Variants in PRICKLE1 observed in about 807,000 individuals in gnomAD.
PRICKLE1 encodes the protein prickle planar cell polarity protein 1, also known as prickle-like protein 1.
PRICKLE1 carries 14 observed loss-of-function variants against 70.2 expected under a neutral mutation model. That is an observed-to-expected ratio of 0.20 (90% CI 0.13 to 0.31). PRICKLE1 has a LOEUF of 0.31. Among genes scored for constraint, PRICKLE1 ranks in the 10% least tolerant of loss-of-function variants. The pLI is 1.00. For missense variants in PRICKLE1, 821 were observed against 1,026.2 expected (o/e 0.80, Z 2.73); for synonymous variants, 357 against 379.9 (o/e 0.94, Z 0.70).
Position 42,460,275 on chromosome 12 carries a change from C to T in PRICKLE1, c.2030G>A (p.Arg677Lys), listed in dbSNP as rs1469487017. 1.2e-6 allele frequency: 2 copies of T among 1,614,050 alleles called. No individual in the cohort carries two copies. The stretch of plus-strand genomic sequence containing the variant: ...ATTGTCGGAGCGGGACTTTCTACTT[C>T]TCCGGCGGCGGTGGTGATGAGACCT... ...GSRSHHHRRR[R>K]SRKSRSDNAL... The change falls in exon 8 of 8, where the codon AGA becomes AAA. Residue 677 changes from arginine to lysine, a missense_variant. Arg to Lys is a conservative substitution (Grantham distance 26). Transcript: ENST00000345127.
At chr12:42,483,344 T>G (rs1006127908) in intron 1 of PRICKLE1, 1 of 151,720 alleles carries the variant, frequency 6.6e-6, no homozygotes, top group Non-Finnish European at 1.5e-5. Flanking sequence ...CCGGCTGCCA[T>G]CCAGCCCTGG....
intron 1 of PRICKLE1, among the ~76,000 whole-genome samples, chr12:42,501,622 C>T (rs1227379775): frequency 6.6e-6 from 1 of 150,972 alleles, no homozygotes; most frequent in East Asian, 2.0e-4. Context: ...CCTTCCCTAA[C>T]ATGCAACTGA....
chr12:42,583,738 T>C (rs1940941760), intron 1 of PRICKLE1, among the ~76,000 whole-genome samples: 1 of 152,226 alleles, frequency 6.6e-6, no homozygotes, highest in South Asian at 2.1e-4. Flanking sequence ...TGTTGGCATT[T>C]ATGCAAGTCA....
intron 1 of PRICKLE1, among the ~76,000 whole-genome samples, chr12:42,570,304 C>G (rs1940686213): frequency 6.6e-6 from 1 of 152,190 alleles, no homozygotes; most frequent in Non-Finnish European, 1.5e-5. Context: ...ATGAAAGCAG[C>G]TGAACTGGTT....
At position 42,460,363 on chromosome 12, in the gene PRICKLE1, G is replaced by C. The variant is rs370129051; in HGVS notation, c.1942C>G (p.Arg648Gly). 5 of 1,613,894 alleles carry C rather than the reference G, an allele frequency of 3.1e-6. No homozygotes were observed. In the African/African-American group the frequency reaches 6.7e-5, roughly 22 times the overall value. ...IDNGNYDIEI[R>G]QPPMSERTRR... ...GTCCTTTCACTCATCGGAGGCTGCC[G>C]GATTTCAATGTCATAGTTCCCATTG... Residue 648 changes from arginine to glycine, a missense_variant, in exon 8 of 8, where the codon CGG (arginine) becomes GGG (glycine). Coordinates refer to ENST00000345127, the MANE Select transcript of PRICKLE1 (RefSeq NM_153026.3).
chr12:42,539,078 T>C (rs1278776104), intron 1 of PRICKLE1, among the ~76,000 whole-genome samples: 3 of 152,198 alleles, frequency 2.0e-5, no homozygotes, highest in Non-Finnish European at 4.4e-5. Flanking sequence ...TGTAATTTGA[T>C]AGCTGAAGGA....
intron 1 of PRICKLE1, among the ~76,000 whole-genome samples, chr12:42,474,535 C>T (rs1297048495): frequency 6.6e-6 from 1 of 152,192 alleles, no homozygotes; most frequent in Non-Finnish European, 1.5e-5. Flanking sequence ...TTAAACAAGG[C>T]ATCATTTCAC....
chr12:42,481,480 A>G (rs1938790832), intron 1 of PRICKLE1, among the ~76,000 whole-genome samples: 1 of 152,222 alleles, frequency 6.6e-6, no homozygotes, highest in African/African-American at 2.4e-5. Flanking sequence ...CAGAACAGAT[A>G]CTGATTTGTG....
At chr12:42,523,257 G>A (rs7965946) in intron 1 of PRICKLE1, among the ~76,000 whole-genome samples, 57,151 of 151,850 alleles carry the variant, frequency 0.38, 11,582 homozygotes, top group East Asian at 0.6. Flanking sequence ...GTAAGCCACC[G>A]CGTCCAGCCA....
chr12:42,542,422 G>T (rs1328718015), intron 1 of PRICKLE1, among the ~76,000 whole-genome samples: 1 of 152,100 alleles, frequency 6.6e-6, no homozygotes, highest in Non-Finnish European at 1.5e-5. Flanking sequence ...AGGCCAAGAT[G>T]GGTGGATCAC....
intron 1 of PRICKLE1, among the ~76,000 whole-genome samples, chr12:42,502,237 C>CACCTATATATATA (rs1566104374): frequency 3.3e-5 from 5 of 149,966 alleles, no homozygotes; most frequent in African/African-American, 1.2e-4. Context: ...ACATATACCT[C>CACCTATATATATA]TATATATATA....
intron 1 of PRICKLE1, among the ~76,000 whole-genome samples, chr12:42,582,269 G>C (rs1940914743): frequency 6.6e-6 from 1 of 152,180 alleles, no homozygotes; most frequent in Non-Finnish European, 1.5e-5. Flanking sequence ...TCAGAACTAG[G>C]TGAGGGGGGC....
intron 1 of PRICKLE1, among the ~76,000 whole-genome samples, chr12:42,545,897 T>C (rs1320374766): frequency 4.7e-5 from 7 of 148,448 alleles, no homozygotes; most frequent in Admixed American, 4.7e-4. Flanking sequence ...AATATATCCA[T>C]ATATATATAT....
rs1938359092 is a variant in PRICKLE1, at chr12:42,472,378, T to C, written c.132+7A>G. ...AAAGAGTAAATATAGGATGATGAAG[T>C]TCCTACCTGCTCTGGTCTCAGGCCC... On this transcript the variant is annotated splice_region_variant and intron_variant, in intron 2 of 7. Transcript: ENST00000345127. 1.2e-6 allele frequency: 2 copies of C among 1,613,888 alleles called. No individual in the cohort carries two copies. Among genetic ancestry groups the C allele is most frequent in the African/African-American group, 1.3e-5 (1 of 74,898 alleles).
At chr12:42,519,166 TTTACTGAA>T (rs1359123265) in intron 1 of PRICKLE1, among the ~76,000 whole-genome samples, 2 of 151,470 alleles carry the variant, frequency 1.3e-5, no homozygotes, top group Non-Finnish European at 2.9e-5. Flanking sequence ...ACAGTGTTGC[TTTACTGAA>T]TTTCCTTTCC....
At chr12:42,526,229 C>A (rs1032203476) in intron 1 of PRICKLE1, among the ~76,000 whole-genome samples, 2 of 131,188 alleles carry the variant, frequency 1.5e-5, no homozygotes, top group Admixed American at 8.9e-5. Context: ...CTTAGAGTAA[C>A]AAAAATCTTT....
intron 1 of PRICKLE1, among the ~76,000 whole-genome samples, chr12:42,490,271 T>C (rs1314548722): frequency 6.6e-6 from 1 of 152,120 alleles, no homozygotes; most frequent in Non-Finnish European, 1.5e-5. Context: ...AAGGATTTGA[T>C]CAGAGTGATG....
chr12:42,572,049 T>A (rs1212412006), intron 1 of PRICKLE1, among the ~76,000 whole-genome samples: 1 of 152,232 alleles, frequency 6.6e-6, no homozygotes, highest in East Asian at 1.9e-4. Context: ...TTGAAAGATA[T>A]ATAAACATTT....
In PRICKLE1 at chr12:42,466,233, G is replaced by C. The variant is rs745880716; in HGVS notation, c.736C>G (p.Leu246Val). The C allele has an allele frequency of 9.9e-6, 16 of 1,614,092 alleles. No homozygotes were observed. Among genetic ancestry groups the C allele is most frequent in the Non-Finnish European group, 1.3e-5 (15 of 1,180,068 alleles). Residue 246 changes from leucine (L) to valine (V), a missense_variant, in exon 6 of 8, where the codon CTC (leucine) becomes GTC (valine). Physicochemically the swap from Leu to Val is conservative, Grantham distance 32. Transcript: ENST00000345127. ...CAGGTTTCACAGTACTCCGCATAGAGAGACTCAAAACAGCCACAGCAGAAG... is the reference window on the plus strand; with the variant it reads ...CAGGTTTCACAGTACTCCGCATAGACAGACTCAAAACAGCCACAGCAGAAG... ...RPFCCGCFES[L>V]YAEYCETCGE...
Sources: gnomAD v4.1 joint callset for allele counts (sites outside exome capture counted in the v4.1 genomes callset) on GRCh38, gnomAD v4.1.1 for gene constraint, MANE v1.5 for transcripts, NCBI Gene and HGNC (gene_info 2026-07-23, HGNC 2026-07-21) for gene names.